Variants in MBD5 observed in about 807,000 individuals in gnomAD.
MBD5 encodes the protein methyl-CpG binding domain protein 5, also known as methyl-CpG-binding domain protein 5.
A neutral mutation model predicts 117.3 loss-of-function variants in MBD5; 13 were observed. The observed-to-expected ratio is 0.11, with a 90% CI of 0.07 to 0.18. The LOEUF (loss-of-function observed/expected upper bound fraction) is 0.18, where lower values mean the gene tolerates loss of function less well. Ranked by LOEUF, MBD5 falls within the 10% of genes least tolerant of loss-of-function variation. The probability of loss-of-function intolerance (pLI) is 1.00; values close to 1 mark genes in which losing one functional copy is unlikely to be tolerated. For missense variants in MBD5, 1,879 were observed against 2,093.8 expected, an observed-to-expected ratio of 0.90 and a Z score of 2.00; for synonymous variants, 727 against 766.4, an observed-to-expected ratio of 0.95 and a Z score of 0.85.
At chr2:148,366,060 C>T (rs1253765039) in intron 4 of MBD5, among the ~76,000 whole-genome samples, 6 of 152,018 alleles carry the variant, frequency 3.9e-5, no homozygotes, top group East Asian at 1.9e-4. Flanking sequence ...TGATGAATAT[C>T]GATGTAAAAA....
At chr2:148,491,651 A>G (rs769787015) in intron 11 of MBD5, among the ~76,000 whole-genome samples, 7 of 152,058 alleles carry the variant, frequency 4.6e-5, no homozygotes, top group South Asian at 2.1e-4. Context: ...AACCTTGCTC[A>G]TAATGCCTAA....
intron 2 of MBD5, among the ~76,000 whole-genome samples, chr2:148,215,708 T>TA (rs1699536782): frequency 1.0e-5 from 1 of 99,676 alleles, no homozygotes; most frequent in African/African-American, 3.9e-5. Context: ...TTTTTTTTTT[T>TA]GGTAGAAACA....
intron 1 of MBD5, among the ~76,000 whole-genome samples, chr2:148,068,278 A>T (rs1034641869): frequency 2.0e-5 from 3 of 152,208 alleles, no homozygotes; most frequent in African/African-American, 7.2e-5. Context: ...GAAGAGGAAT[A>T]CCTGATTCTG....
At chr2:148,317,718 C>G (rs1702186926) in intron 3 of MBD5, among the ~76,000 whole-genome samples, 2 of 151,818 alleles carry the variant, frequency 1.3e-5, no homozygotes, top group Non-Finnish European at 2.9e-5. Context: ...ATTTTACTTT[C>G]TCTGTCTGAG....
intron 3 of MBD5, among the ~76,000 whole-genome samples, chr2:148,235,811 G>T (rs1700079742): frequency 6.6e-6 from 1 of 150,506 alleles, no homozygotes; most frequent in African/African-American, 2.4e-5. Flanking sequence ...GTTTTGGGGG[G>T]TGGCGGGGAC....
At chr2:148,435,941 G>T (rs1338431493) in intron 4 of MBD5, among the ~76,000 whole-genome samples, 1 of 152,204 alleles carries the variant, frequency 6.6e-6, no homozygotes, top group Non-Finnish European at 1.5e-5. Context: ...AGTCAGTTAA[G>T]AGAGTGTCCT....
chr2:148,196,568 A>G (rs896392016), intron 2 of MBD5, among the ~76,000 whole-genome samples: 10 of 152,124 alleles, frequency 6.6e-5, no homozygotes, highest in African/African-American at 1.9e-4. Flanking sequence ...ATTTGTGTCT[A>G]TTTCTTCTAT....
chr2:148,406,338 G>T (rs1705076554), intron 4 of MBD5, among the ~76,000 whole-genome samples: 1 of 152,134 alleles, frequency 6.6e-6, no homozygotes, highest in Admixed American at 6.6e-5. Flanking sequence ...AAGAAAACAT[G>T]ACCCATTATT....
chr2:148,475,271 A>C (rs899375028), intron 8 of MBD5, among the ~76,000 whole-genome samples: 1 of 152,120 alleles, frequency 6.6e-6, no homozygotes, highest in African/African-American at 2.4e-5. Flanking sequence ...ACTATACTAA[A>C]TTCTGGATTG....
chr2:148,166,787 T>C (rs1452897121), intron 1 of MBD5, among the ~76,000 whole-genome samples: 1 of 152,200 alleles, frequency 6.6e-6, no homozygotes, highest in Admixed American at 6.5e-5. Context: ...TTGTTGTGGT[T>C]ATGTCAGAAA....
At position 148,469,790 on chromosome 2, in the gene MBD5, G is replaced by T; in HGVS notation, c.1847G>T (p.Gly616Val). ...GAVAGSGNTEGHSTLNTMFPP... is the reference protein window; with the variant it reads ...GAVAGSGNTEVHSTLNTMFPP... ...GTTGCCGGCAGTGGCAACACTGAAG[G>T]ACATAGCACTTTAAACACCATGTTC... Residue 616 changes from glycine (G) to valine (V), a missense_variant, in exon 8 of 14, where the codon GGA (glycine) becomes GTA (valine). Coordinates refer to ENST00000642680, the MANE Select transcript of MBD5 (RefSeq NM_001378120.1). The T allele has an allele frequency of 6.2e-7, 1 of 1,613,956 alleles. No individual in the cohort carries two copies. Among genetic ancestry groups the T allele is most frequent in the Non-Finnish European group, 8.5e-7 (1 of 1,179,892 alleles).
intron 1 of MBD5, among the ~76,000 whole-genome samples, chr2:148,037,548 C>T (rs1466001062): frequency 6.6e-6 from 1 of 151,816 alleles, no homozygotes; most frequent in African/African-American, 2.4e-5. Context: ...ACATCTTAAA[C>T]TATTAAGGTT....
At chr2:148,446,514 T>C (rs1706530875) in intron 4 of MBD5, among the ~76,000 whole-genome samples, 1 of 152,044 alleles carries the variant, frequency 6.6e-6, no homozygotes, top group Admixed American at 6.6e-5. Context: ...TTAAAAACTT[T>C]TCTTATTCTC....
chr2:148,325,382 A>G (rs1023966406), intron 3 of MBD5, among the ~76,000 whole-genome samples: 7 of 152,124 alleles, frequency 4.6e-5, no homozygotes, highest in African/African-American at 9.6e-5. Context: ...CTCTTTTTCT[A>G]TTGATTGGAA....
chr2:148,046,258 A>G (rs970692264), intron 1 of MBD5, among the ~76,000 whole-genome samples: 6 of 152,208 alleles, frequency 3.9e-5, no homozygotes, highest in Middle Eastern at 3.2e-3. Context: ...CTGGGATTAC[A>G]GGCATGAGCC....
At chr2:148,097,492 T>C (rs1237921078) in intron 1 of MBD5, among the ~76,000 whole-genome samples, 2 of 152,210 alleles carry the variant, frequency 1.3e-5, no homozygotes, top group African/African-American at 2.4e-5. Context: ...ACACAAGTTA[T>C]TTGTTTTTCA....
At chr2:148,209,523 CTT>C (rs562857871) in intron 2 of MBD5, among the ~76,000 whole-genome samples, 1 of 143,820 alleles carries the variant, frequency 7.0e-6, no homozygotes. Flanking sequence ...TTTTTTCTTT[CTT>C]TTTTTTTTTT....
intron 3 of MBD5, among the ~76,000 whole-genome samples, chr2:148,273,909 T>C (rs1328129117): frequency 2.0e-5 from 3 of 152,248 alleles, no homozygotes; most frequent in Non-Finnish European, 4.4e-5. Context: ...GGAAGTCCAC[T>C]TTCATCATTT....
At chr2:148,462,538 T>C (rs754301339) in intron 5 of MBD5, 44 bp from the exon 6 acceptor site, 7 of 1,180,288 alleles carry the variant, frequency 5.9e-6, no homozygotes, top group African/African-American at 4.5e-5. Context: ...ATAATATGTG[T>C]AGTCAAAATT....
Sources: allele counts gnomAD v4.1 joint callset (sites outside exome capture counted in the v4.1 genomes callset), GRCh38; gene constraint gnomAD v4.1.1; transcripts MANE v1.5; gene names NCBI Gene and HGNC (gene_info 2026-07-23, HGNC 2026-07-21).